Variants in TNNI3K observed in about 807,000 individuals in gnomAD.
TNNI3K encodes the protein serine/threonine-protein kinase TNNI3K.
In TNNI3K, 140 loss-of-function variants were observed where a neutral mutation model predicts 114.5. The ratio of observed to expected loss-of-function variants is 1.22; its 90% CI spans 1.07 to 1.41. TNNI3K has a LOEUF of 1.41. TNNI3K is among the 40% of genes most tolerant of loss of function. TNNI3K has a pLI of 0.00. For missense variants in TNNI3K, 1,125 were observed against 1,007.6 expected, an observed-to-expected ratio of 1.12 and a Z score of -1.58; for synonymous variants, 347 against 347.5, an observed-to-expected ratio of 1.00 and a Z score of 0.02.
chr1:74,498,256 CCTTAT>C (rs1452065632), intron 23 of TNNI3K, among the ~76,000 whole-genome samples: 7 of 152,142 alleles, frequency 4.6e-5, no homozygotes, highest in Non-Finnish European at 7.3e-5. Context: ...TTGACATCCC[CCTTAT>C]CTTGTCAAAA....
At chr1:74,377,105 T>A (rs925032172) in intron 17 of TNNI3K, 1 of 152,044 alleles carries the variant, frequency 6.6e-6, no homozygotes, top group African/African-American at 2.4e-5. Flanking sequence ...CTAGGCAAGG[T>A]TGAGAATCAC....
rs570034610 is a variant in TNNI3K, at chr1:74,335,939, C to A, written c.544-72C>A. The A allele has an allele frequency of 1.9e-4, 275 of 1,483,118 alleles. 4 individuals are homozygous for A. In the East Asian group the frequency reaches 6.5e-3, roughly 35 times the overall value. The allele number at this position is 1,483,118 out of a possible 1,614,324, so 91.9% of individuals were successfully genotyped here. A position where few individuals can be genotyped will look rare whatever the true frequency, so the allele number is the denominator to read the frequency against. On this transcript the variant is annotated intron_variant, in intron 6 of 24. Transcript: ENST00000326637. ...TTTTGTGGTTTAAGCCAGTTGTGTT[C>A]TTGTATACTGCCAAAAGTTTTGCAT...
chr1:74,328,382 T>C (rs1301146176), intron 5 of TNNI3K, among the ~76,000 whole-genome samples: 1 of 151,734 alleles, frequency 6.6e-6, no homozygotes, highest in African/African-American at 2.4e-5. Context: ...GCCTAAATGT[T>C]GGTATGAGTG....
At chr1:74,314,409 T>G (rs2100361385) in intron 5 of TNNI3K, among the ~76,000 whole-genome samples, 1 of 152,192 alleles carries the variant, frequency 6.6e-6, no homozygotes, top group South Asian at 2.1e-4. Flanking sequence ...TAAAGTCGCT[T>G]TCTTTGTTTG....
At chr1:74,334,218 C>T (rs1272705032) in intron 6 of TNNI3K, among the ~76,000 whole-genome samples, 2 of 152,140 alleles carry the variant, frequency 1.3e-5, no homozygotes, top group Non-Finnish European at 2.9e-5. Flanking sequence ...GACTGATTTC[C>T]AAACCCTTGC....
chr1:74,351,363 T>A (rs1207366615), intron 9 of TNNI3K, among the ~76,000 whole-genome samples: 2 of 151,452 alleles, frequency 1.3e-5, no homozygotes, highest in Non-Finnish European at 3.0e-5. Context: ...CTTCCCTTTG[T>A]GGGTAACCCA....
At chr1:74,339,042 C>T (rs1449604084) in intron 7 of TNNI3K, among the ~76,000 whole-genome samples, 10 of 152,052 alleles carry the variant, frequency 6.6e-5, no homozygotes. Context: ...TTTTTCCTTT[C>T]ATTATTGATG....
At chr1:74,251,923 T>C (rs905465427) in intron 4 of TNNI3K, among the ~76,000 whole-genome samples, 2 of 152,240 alleles carry the variant, frequency 1.3e-5, no homozygotes, top group African/African-American at 4.8e-5. Context: ...AAATTGTCTT[T>C]AGTACCTGTT....
chr1:74,476,993 C>A (rs949001885), intron 21 of TNNI3K, among the ~76,000 whole-genome samples: 1 of 151,996 alleles, frequency 6.6e-6, no homozygotes, highest in African/African-American at 2.4e-5. Flanking sequence ...TATTTTAATT[C>A]ATTTGCCAAC....
At chr1:74,425,338 G>GA (rs2100643492) in intron 17 of TNNI3K, among the ~76,000 whole-genome samples, 1 of 152,156 alleles carries the variant, frequency 6.6e-6, no homozygotes, top group South Asian at 2.1e-4. Context: ...TGAATATATA[G>GA]AAAACCTGTA....
At chr1:74,251,540 A>G (rs1364359787) in intron 4 of TNNI3K, among the ~76,000 whole-genome samples, 1 of 152,200 alleles carries the variant, frequency 6.6e-6, no homozygotes, top group Non-Finnish European at 1.5e-5. Context: ...TACCTGGACA[A>G]TATTAGAATA....
intron 11 of TNNI3K, among the ~76,000 whole-genome samples, chr1:74,355,734 T>G (rs1661619883): frequency 6.6e-6 from 1 of 152,106 alleles, no homozygotes; most frequent in Admixed American, 6.6e-5. Flanking sequence ...AGTAAGCGTA[T>G]AGACAAGGAG....
chr1:74,240,633 T>C (rs920250557), intron 2 of TNNI3K: 2 of 152,172 alleles, frequency 1.3e-5, no homozygotes, highest in African/African-American at 4.8e-5. Flanking sequence ...ATTAAATTAT[T>C]TTGTTTCAAT....
chr1:74,488,409 C>T (rs1216891190), intron 21 of TNNI3K, among the ~76,000 whole-genome samples: 1 of 152,070 alleles, frequency 6.6e-6, no homozygotes, highest in Non-Finnish European at 1.5e-5. Flanking sequence ...GGTTACTGAA[C>T]CTGAATGTTA....
intron 4 of TNNI3K, among the ~76,000 whole-genome samples, chr1:74,269,790 A>C (rs1284914975): frequency 6.6e-6 from 1 of 151,870 alleles, no homozygotes; most frequent in Non-Finnish European, 1.5e-5. Context: ...CAGAGAAGTC[A>C]GGACCAAAGA....
intron 5 of TNNI3K, among the ~76,000 whole-genome samples, chr1:74,318,618 T>A (rs1659447412): frequency 1.3e-5 from 2 of 152,236 alleles, no homozygotes; most frequent in Admixed American, 1.3e-4. Flanking sequence ...GGTTTATACC[T>A]CTCTATAGCT....
chr1:74,532,624 C>G (rs919977442), intron 23 of TNNI3K, among the ~76,000 whole-genome samples: 2 of 151,788 alleles, frequency 1.3e-5, no homozygotes, highest in African/African-American at 4.8e-5. Flanking sequence ...ATCCCTCCCC[C>G]CTCGCCCCAC....
At chr1:74,281,587 A>G (rs1302594214) in intron 5 of TNNI3K, among the ~76,000 whole-genome samples, 2 of 152,022 alleles carry the variant, frequency 1.3e-5, no homozygotes, top group Non-Finnish European at 2.9e-5. Flanking sequence ...AATTCTTTCC[A>G]TTTATTCAAG....
At chr1:74,432,216 G>GTCAAA (rs1665934558) in intron 17 of TNNI3K, among the ~76,000 whole-genome samples, 1 of 152,150 alleles carries the variant, frequency 6.6e-6, no homozygotes, top group South Asian at 2.1e-4. Flanking sequence ...TTGCTTATCT[G>GTCAAA]TCAAATCAAA....
Sources: allele counts gnomAD v4.1 joint callset (sites outside exome capture counted in the v4.1 genomes callset), GRCh38; gene constraint gnomAD v4.1.1; transcripts MANE v1.5; gene names NCBI Gene and HGNC (gene_info 2026-07-23, HGNC 2026-07-21).